Variants in GUCA1C observed in about 807,000 individuals in gnomAD.
The protein encoded by GUCA1C is guanylyl cyclase-activating protein 3.
A neutral mutation model predicts 16.2 loss-of-function variants in GUCA1C; 15 were observed. That is an observed-to-expected ratio of 0.93 (90% CI 0.62 to 1.43). The LOEUF (loss-of-function observed/expected upper bound fraction) is 1.43. GUCA1C is among the 40% of genes most tolerant of loss of function. The pLI, the probability that GUCA1C is intolerant of heterozygous loss-of-function variation, is 0.00. For synonymous variants in GUCA1C, 78 were observed against 85.4 expected, an observed-to-expected ratio of 0.91 and a Z score of 0.48; for missense variants, 275 against 244.8, an observed-to-expected ratio of 1.12 and a Z score of -0.82.
chr3:108,923,401 T>C (rs890500228), intron 1 of GUCA1C, among the ~76,000 whole-genome samples: 10 of 152,186 alleles, frequency 6.6e-5, no homozygotes. Flanking sequence ...ATTTGATGAA[T>C]AGGGTGTTCT....
In GUCA1C at chr3:108,935,348, G is replaced by GA. The variant is rs200598660; in HGVS notation, c.205-14764dup. 3.1e-3 allele frequency among the ~76,000 whole-genome samples: 457 copies of GA among 146,754 alleles called. 4 individuals carry two copies. Among genetic ancestry groups the GA allele is most frequent in the African/African-American group, 9.2e-3 (369 of 39,912 alleles). On this transcript the variant is annotated intron_variant, in intron 1 of 3. Transcript: ENST00000261047. ...TACTCCTGAATTTAAAATGAAAATT[G>GA]AAAAAAAAATAAAAAATAAAAAATA...
intron 1 of GUCA1C, among the ~76,000 whole-genome samples, chr3:108,925,614 G>A (rs1946615673): frequency 6.6e-6 from 1 of 152,178 alleles, no homozygotes; most frequent in Non-Finnish European, 1.5e-5. Context: ...TGGGTAGAAT[G>A]CTCTGTAAAT....
chr3:108,938,210 C>T (rs1328899919), intron 1 of GUCA1C, among the ~76,000 whole-genome samples: 1 of 152,030 alleles, frequency 6.6e-6, no homozygotes, highest in Non-Finnish European at 1.5e-5. Flanking sequence ...AAAACTGATT[C>T]CCCACACAGC....
At chr3:108,948,352 A>G (rs1576558192) in intron 1 of GUCA1C, among the ~76,000 whole-genome samples, 2 of 151,954 alleles carry the variant, frequency 1.3e-5, no homozygotes, top group African/African-American at 4.8e-5. Context: ...GACGTGCTTC[A>G]CCCTTCTATC....
intron 1 of GUCA1C, among the ~76,000 whole-genome samples, chr3:108,925,105 A>AT (rs35186519): frequency 0.26 from 38,797 of 147,710 alleles, 5,273 homozygotes; most frequent in Middle Eastern, 0.32. Flanking sequence ...TACCTTTTGT[A>AT]TTTTTTTTTT....
At chr3:108,939,349 T>TTTTTTTTTTTTTTTTTTTTTTTA (rs1946762615) in intron 1 of GUCA1C, among the ~76,000 whole-genome samples, 1 of 140,550 alleles carries the variant, frequency 7.1e-6, no homozygotes, top group Admixed American at 7.2e-5. Flanking sequence ...TTTTTTTTTT[T>TTTTTTTTTTTTTTTTTTTTTTTA]GAGACGGAAT....
chr3:108,912,711 CAAAAA>C (rs10664351), intron 3 of GUCA1C, among the ~76,000 whole-genome samples: 2 of 143,536 alleles, frequency 1.4e-5, no homozygotes, highest in African/African-American at 2.5e-5. Context: ...TTGTTAATTT[CAAAAA>C]AAAAAAAAAA....
intron 1 of GUCA1C, among the ~76,000 whole-genome samples, chr3:108,929,516 C>T (rs996046506): frequency 6.6e-6 from 1 of 152,070 alleles, no homozygotes; most frequent in Non-Finnish European, 1.5e-5. Context: ...AGGGGACATC[C>T]TTGCCTTGTT....
chr3:108,941,136 G>A (rs1284313289), intron 1 of GUCA1C, among the ~76,000 whole-genome samples: 1 of 152,072 alleles, frequency 6.6e-6, no homozygotes, highest in African/African-American at 2.4e-5. Context: ...AGATTTGTAG[G>A]TAAACCATCA....
intron 3 of GUCA1C, among the ~76,000 whole-genome samples, chr3:108,909,002 C>T (rs1053598723): frequency 2.0e-5 from 3 of 152,142 alleles, no homozygotes; most frequent in African/African-American, 7.2e-5. Context: ...ATGGATAGAT[C>T]AGCCAAAGAC....
At chr3:108,911,881 G>A (rs541248180) in intron 3 of GUCA1C, among the ~76,000 whole-genome samples, 13 of 152,014 alleles carry the variant, frequency 8.6e-5, no homozygotes, top group South Asian at 2.1e-4. Context: ...CGAGGCGGGC[G>A]GATCGCCTGA....
At chr3:108,950,363 C>CAGAT (rs1445148119) in intron 1 of GUCA1C, among the ~76,000 whole-genome samples, 1 of 152,156 alleles carries the variant, frequency 6.6e-6, no homozygotes, top group Non-Finnish European at 1.5e-5. Context: ...ACATGGAGTG[C>CAGAT]AGATAACCTT....
chr3:108,945,060 CTG>C (rs1172789613), intron 1 of GUCA1C, among the ~76,000 whole-genome samples: 2 of 152,220 alleles, frequency 1.3e-5, no homozygotes, highest in Non-Finnish European at 2.9e-5. Context: ...AAGTTCCACT[CTG>C]TGCACTCCCT....
At chr3:108,922,691 A>G (rs937058176) in intron 1 of GUCA1C, among the ~76,000 whole-genome samples, 1 of 151,956 alleles carries the variant, frequency 6.6e-6, no homozygotes, top group Non-Finnish European at 1.5e-5. Flanking sequence ...TTATTATTAT[A>G]CTTTAAATTC....
chr3:108,930,652 C>G (rs1197003510), intron 1 of GUCA1C, among the ~76,000 whole-genome samples: 2 of 152,110 alleles, frequency 1.3e-5, no homozygotes, highest in African/African-American at 4.8e-5. Context: ...ACAACTTAGA[C>G]CTCTTTACCC....
intron 1 of GUCA1C, among the ~76,000 whole-genome samples, chr3:108,951,596 T>A (rs370447829): frequency 6.6e-6 from 1 of 152,346 alleles, no homozygotes; most frequent in East Asian, 1.9e-4. Flanking sequence ...TAATTGCACA[T>A]CATTTCTTAG....
chr3:108,945,494 G>A (rs575463188), intron 1 of GUCA1C, among the ~76,000 whole-genome samples: 1 of 152,248 alleles, frequency 6.6e-6, no homozygotes, highest in South Asian at 2.1e-4. Flanking sequence ...CTTTGAAGTC[G>A]GTAGAATTTT....
At chr3:108,948,258 T>C (rs973438726) in intron 1 of GUCA1C, among the ~76,000 whole-genome samples, 8 of 152,176 alleles carry the variant, frequency 5.3e-5, no homozygotes, top group African/African-American at 1.9e-4. Flanking sequence ...GCTGTTCTCA[T>C]GATAGTGAGT....
chr3:108,911,916 G>A (rs1246457175), intron 3 of GUCA1C, among the ~76,000 whole-genome samples: 1 of 151,990 alleles, frequency 6.6e-6, no homozygotes, highest in Non-Finnish European at 1.5e-5. Context: ...GACCAGCCTG[G>A]CCAATATGGT....
Sources: allele counts gnomAD v4.1 joint callset (sites outside exome capture counted in the v4.1 genomes callset), GRCh38; gene constraint gnomAD v4.1.1; transcripts MANE v1.5; gene names NCBI Gene and HGNC (gene_info 2026-07-23, HGNC 2026-07-21).